MSRA: variants seen among roughly 807,000 people sequenced by gnomAD.
MSRA encodes methionine sulfoxide reductase A.
Under a neutral mutation model 31.3 loss-of-function variants are expected in MSRA, and 54 were observed. That is an observed-to-expected ratio of 1.73 (90% CI 1.39 to 2.17). MSRA has a LOEUF of 2.17. Ranked by LOEUF, MSRA falls within the 30% of genes most tolerant of loss-of-function variation. The pLI, the probability that MSRA is intolerant of heterozygous loss-of-function variation, is 0.00. For missense variants in MSRA, 507 were observed against 300.9 expected (o/e 1.69, Z -5.07); for synonymous variants, 169 against 116.5 (o/e 1.45, Z -2.90).
At chr8:10,187,359 G>A (rs888528744) in intron 1 of MSRA, among the ~76,000 whole-genome samples, 3 of 152,166 alleles carry the variant, frequency 2.0e-5, no homozygotes, top group African/African-American at 4.8e-5. Context: ...AGAAGCACAG[G>A]AAAGGAAATG....
chr8:10,205,051 A>T (rs1316942358), intron 1 of MSRA, among the ~76,000 whole-genome samples: 5 of 152,172 alleles, frequency 3.3e-5, no homozygotes, highest in Non-Finnish European at 7.3e-5. Flanking sequence ...TGTTCTGACC[A>T]TGCAGGTGCT....
intron 3 of MSRA, among the ~76,000 whole-genome samples, chr8:10,288,095 A>T (rs1036929962): frequency 6.6e-6 from 1 of 152,154 alleles, no homozygotes; most frequent in African/African-American, 2.4e-5. Context: ...CAAAAGTGAA[A>T]ATGAGGCTGG....
At chr8:10,067,363 T>A (rs1797507619) in intron 1 of MSRA, among the ~76,000 whole-genome samples, 1 of 152,254 alleles carries the variant, frequency 6.6e-6, no homozygotes, top group African/African-American at 2.4e-5. Context: ...CAAATTTCTT[T>A]TTATTATCAA....
intron 1 of MSRA, among the ~76,000 whole-genome samples, chr8:10,124,939 G>C (rs1801394317): frequency 6.6e-6 from 1 of 152,100 alleles, no homozygotes. Flanking sequence ...ACATTATTTT[G>C]GAATATAACT....
chr8:10,372,493 G>A (rs535855209), intron 5 of MSRA, among the ~76,000 whole-genome samples: 109 of 152,196 alleles, frequency 7.2e-4, no homozygotes, highest in African/African-American at 2.0e-3. Context: ...CTGTTTTCCC[G>A]ATTTCTAGAT....
intron 2 of MSRA, among the ~76,000 whole-genome samples, chr8:10,226,523 A>C (rs983140619): frequency 6.6e-6 from 1 of 152,166 alleles, no homozygotes; most frequent in Admixed American, 6.5e-5. Flanking sequence ...CTGCAGTGTC[A>C]TGGTCATTGG....
intron 1 of MSRA, among the ~76,000 whole-genome samples, chr8:10,142,560 T>C (rs1251232800): frequency 6.6e-6 from 1 of 152,226 alleles, no homozygotes; most frequent in East Asian, 1.9e-4. Context: ...TTTTCCCCTC[T>C]CCTGGAAGGA....
chr8:10,428,394 G>A lies in MSRA; in HGVS notation c.*82G>A, dbSNP rs1051672414. 2.2e-5 allele frequency: 32 copies of A among 1,456,706 alleles called. No homozygotes were observed. Among genetic ancestry groups the A allele is most frequent in the African/African-American group, 4.2e-5 (3 of 71,132 alleles). The allele number at this position is 1,456,706 out of a possible 1,614,324, so 90.2% of individuals were successfully genotyped here. A position where few individuals can be genotyped will look rare whatever the true frequency, so the allele number is the denominator to read the frequency against. On this transcript the variant is annotated 3_prime_UTR_variant, in exon 6 of 6. Transcript: ENST00000317173. ...GGCAATGCTTGTGTGATTCACAATC[G>A]TGGCATTTAAAGTGCACAAAGTACA...
At chr8:10,225,773 A>T (rs960001733) in intron 2 of MSRA, among the ~76,000 whole-genome samples, 20 of 152,244 alleles carry the variant, frequency 1.3e-4, no homozygotes, top group Non-Finnish European at 2.5e-4. Flanking sequence ...AGCCTCAGAG[A>T]GGAGGGATGC....
rs1482936487 is a variant in MSRA at position 10,219,805 on chromosome 8, CCAAAA to C, written c.211+11905_211+11909del. ...TGGACGACAGATCGAGACTCTGTCT[CCAAAA>C]AAAAAAAAAAAAAAAAAAGATATTT... is the stretch of plus-strand genomic sequence containing the variant. On this transcript the variant is annotated intron_variant, in intron 2 of 5. Coordinates refer to ENST00000317173, the MANE Select transcript of MSRA (RefSeq NM_012331.5). Among the ~76,000 whole-genome samples, 145 of 46,078 alleles carry C rather than the reference CCAAAA, an allele frequency of 3.1e-3. 3 individuals are homozygous for C. The Admixed American group carries it at 0.038, about 12-fold the overall frequency. The allele number at this position is 46,078 out of a possible 152,430, so 30.2% of individuals were successfully genotyped here. A position where few individuals can be genotyped will look rare whatever the true frequency, so the allele number is the denominator to read the frequency against.
chr8:10,232,268 C>G (rs1811558001), intron 2 of MSRA, among the ~76,000 whole-genome samples: 2 of 152,176 alleles, frequency 1.3e-5, no homozygotes, highest in Admixed American at 1.3e-4. Context: ...CTGTTGGTTT[C>G]CACTCTGACA....
intron 1 of MSRA, among the ~76,000 whole-genome samples, chr8:10,133,947 C>T (rs1006849956): frequency 6.6e-6 from 1 of 152,172 alleles, no homozygotes; most frequent in Non-Finnish European, 1.5e-5. Flanking sequence ...TCTCGTTTCT[C>T]AGCCTCCTGA....
intron 5 of MSRA, among the ~76,000 whole-genome samples, chr8:10,415,845 C>G (rs866564474): frequency 6.6e-6 from 1 of 151,936 alleles, no homozygotes; most frequent in African/African-American, 2.4e-5. Flanking sequence ...GTCAAATTCC[C>G]AGTTCAGTGC....
chr8:10,164,387 C>T (rs1022888265), intron 1 of MSRA, among the ~76,000 whole-genome samples: 7 of 152,166 alleles, frequency 4.6e-5, no homozygotes, highest in East Asian at 1.9e-4. Context: ...CCCTTGGCTG[C>T]TGGCTGGGTT....
intron 1 of MSRA, among the ~76,000 whole-genome samples, chr8:10,171,368 C>CTTT (rs5889322): frequency 9.8e-5 from 14 of 143,278 alleles, no homozygotes; most frequent in African/African-American, 2.3e-4. Context: ...TTAAACTGTA[C>CTTT]TTTTTTTTTT....
At chr8:10,213,621 A>G (rs1809718377) in intron 2 of MSRA, among the ~76,000 whole-genome samples, 1 of 151,530 alleles carries the variant, frequency 6.6e-6, no homozygotes, top group South Asian at 2.1e-4. Context: ...TCTTTTTAGT[A>G]GAGACGGGGT....
intron 5 of MSRA, chr8:10,411,564 T>C (rs1326068516): frequency 6.6e-6 from 1 of 152,180 alleles, no homozygotes; most frequent in Non-Finnish European, 1.5e-5. Context: ...TTAGACATAT[T>C]GCAGCCCAAG....
chr8:10,346,776 A>G (rs886710204), intron 5 of MSRA, among the ~76,000 whole-genome samples: 7 of 152,292 alleles, frequency 4.6e-5, no homozygotes, highest in African/African-American at 1.7e-4. Context: ...AGTTAGGGAA[A>G]CTGTCAGGGA....
At chr8:10,393,560 T>C (rs922541880) in intron 5 of MSRA, among the ~76,000 whole-genome samples, 1 of 152,212 alleles carries the variant, frequency 6.6e-6, no homozygotes, top group Non-Finnish European at 1.5e-5. Flanking sequence ...GTATTGCAGC[T>C]GGACGGCTGC....
Sources: gnomAD v4.1 joint callset for allele counts (sites outside exome capture counted in the v4.1 genomes callset) on GRCh38, gnomAD v4.1.1 for gene constraint, MANE v1.5 for transcripts, NCBI Gene and HGNC (gene_info 2026-07-23, HGNC 2026-07-21) for gene names.